The following COL4A4 variants were observed in gnomAD, a reference collection of about 807,000 sequenced individuals.
COL4A4 encodes collagen alpha-4(IV) chain.
COL4A4 carries 105 observed loss-of-function variants against 192.9 expected under a neutral mutation model. The ratio of observed to expected loss-of-function variants is 0.54; its 90% CI spans 0.46 to 0.64. COL4A4 has a LOEUF of 0.64. Ranked by LOEUF, COL4A4 falls within the 30% of genes least tolerant of loss-of-function variation. The probability of loss-of-function intolerance (pLI) is 0.00; values close to 1 mark genes in which losing one functional copy is unlikely to be tolerated. For synonymous variants in COL4A4, 762 were observed against 769.9 expected (o/e 0.99, Z 0.17); for missense variants, 1,967 against 2,169.3 (o/e 0.91, Z 1.85).
intron 29 of COL4A4, among the ~76,000 whole-genome samples, chr2:227,056,390 A>AC (rs1975363299): frequency 6.6e-6 from 1 of 151,944 alleles, no homozygotes; most frequent in African/African-American, 2.4e-5. Context: ...AAAAACAAAC[A>AC]TGTATTTGTA....
intron 23 of COL4A4, among the ~76,000 whole-genome samples, chr2:227,080,805 G>A (rs954248550): frequency 2.6e-5 from 4 of 152,126 alleles, no homozygotes; most frequent in African/African-American, 9.7e-5. Context: ...GCCAATCACA[G>A]AATCTTCCCC....
the COL4A4 span, among the ~76,000 whole-genome samples, chr2:226,995,049 C>T: frequency 6.6e-6 from 1 of 151,730 alleles, no homozygotes; most frequent in East Asian, 1.9e-4. Flanking sequence ...CCAAACCAGC[C>T]TAGTTGGTGG....
rs531332538 is a variant in COL4A4 at position 227,069,522 on chromosome 2, T to C, written c.1988-6924A>G. Among the ~76,000 whole-genome samples the C allele has an allele frequency of 1.0e-3, 154 of 151,754 alleles. 2 individuals carry two copies. The East Asian group carries it at 0.022, about 21-fold the overall frequency. On this transcript the variant is annotated intron_variant, in intron 25 of 47. Coordinates refer to ENST00000396625, the MANE Select transcript of COL4A4 (RefSeq NM_000092.5). ...CATGGTACTGGTACCAAAACAGAGA[T>C]ATAGATCAATGGAACAGAACAGAGC...
chr2:227,045,437 C>G (rs1482914333), intron 35 of COL4A4, among the ~76,000 whole-genome samples: 4 of 151,368 alleles, frequency 2.6e-5, no homozygotes, highest in African/African-American at 4.9e-5. Context: ...TTTTCCCTAT[C>G]AAATGTATAC....
the COL4A4 span, among the ~76,000 whole-genome samples, chr2:226,990,904 G>GC: frequency 6.6e-6 from 1 of 152,178 alleles, no homozygotes; most frequent in African/African-American, 2.4e-5. Context: ...GTTCTTTGGA[G>GC]CAGGGCCGTT....
chr2:227,150,202 G>C (rs552756831), intron 1 of COL4A4, among the ~76,000 whole-genome samples: 1 of 152,180 alleles, frequency 6.6e-6, no homozygotes, highest in Non-Finnish European at 1.5e-5. Flanking sequence ...AAGTGAGGGC[G>C]TGGAAGAAGG....
chr2:227,078,124 T>C, intron 24 of COL4A4, 47 bp from the exon 25 acceptor site: 1 of 1,597,276 alleles, frequency 6.3e-7, no homozygotes, highest in Non-Finnish European at 8.6e-7. Context: ...TGAATGTCCA[T>C]GAACTCAAAG....
downstream of COL4A4, among the ~76,000 whole-genome samples, chr2:227,000,420 T>G (rs1960639325): frequency 1.3e-5 from 2 of 152,252 alleles, no homozygotes; most frequent in African/African-American, 4.8e-5. Context: ...AACATCTTAC[T>G]CCTCATTATA....
chr2:227,030,916 A>AGATGGATGGATGAATG (rs1968149586), intron 40 of COL4A4, among the ~76,000 whole-genome samples: 1 of 145,792 alleles, frequency 6.9e-6, no homozygotes, highest in South Asian at 2.3e-4. Flanking sequence ...TGCTTTAATA[A>AGATGGATGGATGAATG]GATGGATGGA....
At chr2:227,013,860 G>A (rs554177801) in intron 44 of COL4A4, among the ~76,000 whole-genome samples, 1 of 152,232 alleles carries the variant, frequency 6.6e-6, no homozygotes, top group African/African-American at 2.4e-5. Context: ...AATTCATGGA[G>A]CCTCCCTCCC....
chr2:227,100,339 T>C (rs1178064797), intron 17 of COL4A4, among the ~76,000 whole-genome samples: 1 of 145,492 alleles, frequency 6.9e-6, no homozygotes, highest in Non-Finnish European at 1.5e-5. Context: ...AACATAATAA[T>C]GCTTAATATG....
intron 4 of COL4A4, among the ~76,000 whole-genome samples, chr2:227,122,294 G>A (rs528518683): frequency 6.6e-6 from 1 of 152,308 alleles, no homozygotes; most frequent in African/African-American, 2.4e-5. Context: ...ATCACCTGAG[G>A]TCAAGAGTTC....
intron 25 of COL4A4, among the ~76,000 whole-genome samples, chr2:227,070,429 T>C (rs761473663): frequency 0.016 from 2,430 of 152,178 alleles, 54 homozygotes; most frequent in African/African-American, 0.055. Flanking sequence ...CGTATGTTTA[T>C]TGCGGCATTA....
intron 25 of COL4A4, among the ~76,000 whole-genome samples, chr2:227,072,084 AAATT>A (rs571148681): frequency 2.4e-4 from 37 of 152,136 alleles, no homozygotes; most frequent in Non-Finnish European, 4.0e-4. Context: ...AAAATATGAA[AAATT>A]AATGAATAAA....
intron 25 of COL4A4, among the ~76,000 whole-genome samples, chr2:227,073,544 T>C (rs990773023): frequency 1.3e-5 from 2 of 151,854 alleles, no homozygotes; most frequent in Admixed American, 1.3e-4. Context: ...GAAAAAACAA[T>C]CCTGAATTTT....
intron 22 of COL4A4, among the ~76,000 whole-genome samples, chr2:227,087,934 G>A (rs986529573): frequency 3.3e-5 from 5 of 152,020 alleles, no homozygotes; most frequent in Admixed American, 1.3e-4. Flanking sequence ...TGGTGATGGC[G>A]TTTATCACCA....
rs1559522682 is a variant in COL4A4, at chr2:227,060,116, A to AAAAAAAAC, written c.2164+19_2164+20insGTTTTTTT. On this transcript the variant is annotated intron_variant, in intron 27 of 47. Transcript: ENST00000396625. ...TCCCAAAGCAGAAAAAAAAAAAAAA[A>AAAAAAAAC]AAAAAAAAACCTCACTGACCAGGTG... 7.5e-7 allele frequency: 1 copy of AAAAAAAAC among 1,330,158 alleles called. No individual in the cohort carries two copies. Among genetic ancestry groups the AAAAAAAAC allele is most frequent in the Non-Finnish European group, 1.0e-6 (1 of 957,456 alleles). The allele number at this position is 1,330,158 out of a possible 1,614,324, so 82.4% of individuals were successfully genotyped here.
chr2:227,140,874 ATC>A (rs1491234859), intron 3 of COL4A4, among the ~76,000 whole-genome samples: 14 of 108,078 alleles, frequency 1.3e-4, no homozygotes, highest in Non-Finnish European at 2.4e-4. Flanking sequence ...TCTTTAGAGC[ATC>A]ACACACACAC....
intron 41 of COL4A4, among the ~76,000 whole-genome samples, chr2:227,030,140 T>C (rs996813509): frequency 3.3e-5 from 5 of 151,702 alleles, no homozygotes; most frequent in Non-Finnish European, 4.4e-5. Flanking sequence ...TTGTTTTTAC[T>C]TGCTAAAATG....
Sources: allele counts gnomAD v4.1 joint callset (sites outside exome capture counted in the v4.1 genomes callset), GRCh38; gene constraint gnomAD v4.1.1; transcripts MANE v1.5; gene names NCBI Gene and HGNC (gene_info 2026-07-23, HGNC 2026-07-21).